The following EPHB1 variants were observed in gnomAD, a reference collection of about 807,000 sequenced individuals.
The protein encoded by EPHB1 is EPH receptor B1.
EPHB1 carries 30 observed loss-of-function variants against 94.4 expected under a neutral mutation model. That is an observed-to-expected ratio of 0.32 (90% CI 0.24 to 0.43). The LOEUF (loss-of-function observed/expected upper bound fraction) is 0.43, where lower values mean the gene tolerates loss of function less well. Among genes scored for constraint, EPHB1 ranks in the 20% least tolerant of loss-of-function variants. The probability of loss-of-function intolerance (pLI) is 1.00; values close to 1 mark genes in which losing one functional copy is unlikely to be tolerated. For missense variants in EPHB1, 1,055 were observed against 1,308.3 expected, an observed-to-expected ratio of 0.81 and a Z score of 2.99; for synonymous variants, 522 against 489.1, an observed-to-expected ratio of 1.07 and a Z score of -0.89.
chr3:135,227,766 A>C (rs1471709147), intron 12 of EPHB1, among the ~76,000 whole-genome samples: 1 of 152,210 alleles, frequency 6.6e-6, no homozygotes, highest in Non-Finnish European at 1.5e-5. Context: ...TCAAACTTAA[A>C]GAAAGTTCCC....
chr3:135,054,029 A>G (rs1219286303), intron 3 of EPHB1, among the ~76,000 whole-genome samples: 3 of 97,952 alleles, frequency 3.1e-5, no homozygotes, highest in African/African-American at 1.1e-4. Flanking sequence ...GTCTGCATAT[A>G]TATATATATA....
At chr3:134,872,367 C>G (rs924889058) in intron 1 of EPHB1, among the ~76,000 whole-genome samples, 1 of 152,216 alleles carries the variant, frequency 6.6e-6, no homozygotes, top group African/African-American at 2.4e-5. Flanking sequence ...AGTCTTAATT[C>G]TCTTTCCCAT....
chr3:135,075,859 A>T (rs997628252), intron 3 of EPHB1, among the ~76,000 whole-genome samples: 1 of 152,188 alleles, frequency 6.6e-6, no homozygotes, highest in Non-Finnish European at 1.5e-5. Context: ...AGTCCCAGAA[A>T]ATGTCTTGGC....
At chr3:135,225,682 ACACCT>A (rs919847988) in intron 12 of EPHB1, among the ~76,000 whole-genome samples, 4 of 152,024 alleles carry the variant, frequency 2.6e-5, no homozygotes, top group Admixed American at 1.3e-4. Context: ...TAGGAAGGCC[ACACCT>A]CAGGTGAGTG....
intron 1 of EPHB1, among the ~76,000 whole-genome samples, chr3:134,874,430 A>T (rs544882518): frequency 1.9e-4 from 29 of 152,344 alleles, no homozygotes; most frequent in African/African-American, 6.0e-4. Flanking sequence ...CCACCATGAC[A>T]CACGTATACT....
chr3:135,036,721 G>C (rs1204378272), intron 3 of EPHB1, among the ~76,000 whole-genome samples: 1 of 152,116 alleles, frequency 6.6e-6, no homozygotes, highest in Non-Finnish European at 1.5e-5. Context: ...TGTCTATTTA[G>C]GATATTTCTA....
chr3:135,125,700 T>TG (rs11408486), intron 4 of EPHB1, among the ~76,000 whole-genome samples: 12 of 152,238 alleles, frequency 7.9e-5, no homozygotes, highest in Admixed American at 1.3e-4. Context: ...TTGATAATGG[T>TG]CTACATCCCT....
intron 5 of EPHB1, among the ~76,000 whole-genome samples, chr3:135,145,332 A>G (rs777406656): frequency 6.6e-6 from 1 of 152,198 alleles, no homozygotes; most frequent in African/African-American, 2.4e-5. Context: ...AGTGTTTCAT[A>G]TATTTAAAAA....
intron 11 of EPHB1, among the ~76,000 whole-genome samples, chr3:135,194,090 T>C (rs968037945): frequency 1.3e-5 from 2 of 152,182 alleles, no homozygotes; most frequent in Non-Finnish European, 2.9e-5. Flanking sequence ...GAATCTGTAT[T>C]ACTTTTGTGA....
chr3:135,086,820 C>T (rs1559824342), intron 3 of EPHB1, among the ~76,000 whole-genome samples: 1 of 152,136 alleles, frequency 6.6e-6, no homozygotes, highest in Non-Finnish European at 1.5e-5. Flanking sequence ...CTCCAGCTTA[C>T]TCTTCTCTGT....
chr3:135,151,956 G>A (rs1050327642), intron 5 of EPHB1, among the ~76,000 whole-genome samples: 5 of 152,146 alleles, frequency 3.3e-5, no homozygotes, highest in African/African-American at 1.2e-4. Flanking sequence ...TGATCCAAAG[G>A]CTATCGGTCA....
chr3:135,192,978 G>C (rs1001602304), intron 11 of EPHB1, among the ~76,000 whole-genome samples, 155 bp downstream of exon 11: 6 of 152,220 alleles, frequency 3.9e-5, no homozygotes, highest in Admixed American at 2.6e-4. Context: ...GCTAAAAGAA[G>C]AGAACAAAAC....
intron 12 of EPHB1, among the ~76,000 whole-genome samples, chr3:135,235,177 A>G (rs1943621223): frequency 6.6e-6 from 1 of 152,220 alleles, no homozygotes; most frequent in Admixed American, 6.5e-5. Context: ...TGATTCTTAC[A>G]TGTAGTCATT....
At chr3:134,911,775 C>T (rs1678017359) in intron 1 of EPHB1, among the ~76,000 whole-genome samples, 1 of 152,212 alleles carries the variant, frequency 6.6e-6, no homozygotes. Flanking sequence ...CCAGTCTGGT[C>T]TGGGATGTGT....
At chr3:134,869,800 A>G (rs571906562) in intron 1 of EPHB1, among the ~76,000 whole-genome samples, 1 of 152,220 alleles carries the variant, frequency 6.6e-6, no homozygotes, top group Admixed American at 6.5e-5. Context: ...TCAATTTATT[A>G]TCATAGAAGC....
chr3:135,238,305 G>A (rs1241206979), intron 12 of EPHB1, among the ~76,000 whole-genome samples: 1 of 152,206 alleles, frequency 6.6e-6, no homozygotes, highest in African/African-American at 2.4e-5. Flanking sequence ...TCACCTGCCT[G>A]TCCAGGGGCT....
intron 12 of EPHB1, among the ~76,000 whole-genome samples, chr3:135,215,390 C>T (rs1576474564): frequency 1.3e-5 from 2 of 151,996 alleles, no homozygotes; most frequent in Non-Finnish European, 2.9e-5. Flanking sequence ...CTCAAACTCC[C>T]GACCTCAGGT....
chr3:135,118,151 G>T (rs1329718237), intron 4 of EPHB1, among the ~76,000 whole-genome samples: 1 of 152,160 alleles, frequency 6.6e-6, no homozygotes, highest in African/African-American at 2.4e-5. Context: ...CGGGGACAGG[G>T]TCTGCATGAG....
intron 1 of EPHB1, among the ~76,000 whole-genome samples, chr3:134,870,911 A>G (rs191299010): frequency 9.2e-5 from 14 of 152,322 alleles, no homozygotes; most frequent in South Asian, 4.1e-4. Context: ...CATAAGAAGC[A>G]GAGTAGAGTC....
Sources: gnomAD v4.1 joint callset for allele counts (sites outside exome capture counted in the v4.1 genomes callset) on GRCh38, gnomAD v4.1.1 for gene constraint, MANE v1.5 for transcripts, NCBI Gene and HGNC (gene_info 2026-07-23, HGNC 2026-07-21) for gene names.